Variants in STAG1 observed in about 807,000 individuals in gnomAD.
The protein encoded by STAG1 is cohesin subunit SA-1.
In STAG1, 26 loss-of-function variants were observed where a neutral mutation model predicts 170.9. The ratio of observed to expected loss-of-function variants is 0.15; its 90% confidence interval spans 0.11 to 0.21. The LOEUF is 0.21. Ranked by LOEUF, STAG1 falls within the 10% of genes least tolerant of loss-of-function variation. STAG1 has a pLI of 1.00. For synonymous variants in STAG1, 514 were observed against 497.7 expected (o/e 1.03, Z -0.44); for missense variants, 964 against 1,509.5 (o/e 0.64, Z 5.99).
chr3:136,693,186 C>T (rs558115201), intron 1 of STAG1, among the ~76,000 whole-genome samples: 8 of 152,178 alleles, frequency 5.3e-5, no homozygotes, highest in Non-Finnish European at 1.0e-4. Context: ...ATCCTGTAAA[C>T]GTCCAAGGCA....
chr3:136,502,402 G>A (rs897271431), intron 8 of STAG1, among the ~76,000 whole-genome samples: 2 of 151,970 alleles, frequency 1.3e-5, no homozygotes, highest in African/African-American at 4.8e-5. Flanking sequence ...CTAACTCCCA[G>A]ACCAACTTCT....
At chr3:136,705,990 G>A (rs1400742051) in intron 1 of STAG1, among the ~76,000 whole-genome samples, 2 of 151,468 alleles carry the variant, frequency 1.3e-5, no homozygotes, top group African/African-American at 4.9e-5. Flanking sequence ...GGATCACTTG[G>A]GCACAGGAGA....
intron 5 of STAG1, among the ~76,000 whole-genome samples, chr3:136,567,219 C>G (rs1340046296): frequency 6.6e-6 from 1 of 152,222 alleles, no homozygotes; most frequent in African/African-American, 2.4e-5. Flanking sequence ...TCCAACAGGT[C>G]TGTTGATTAA....
intron 9 of STAG1, among the ~76,000 whole-genome samples, chr3:136,486,999 CAAAAAAAAAAA>C (rs536392595): frequency 5.1e-4 from 28 of 54,662 alleles, no homozygotes; most frequent in South Asian, 1.6e-3. Flanking sequence ...TTTATTTCTT[CAAAAAAAAAAA>C]AAAAAAAAAA....
chr3:136,439,292 T>C (rs1448515933), intron 15 of STAG1, among the ~76,000 whole-genome samples: 1 of 151,058 alleles, frequency 6.6e-6, no homozygotes, highest in Non-Finnish European at 1.5e-5. Flanking sequence ...TTGGTTATGG[T>C]CTTGTTACCT....
chr3:136,662,259 C>G (rs998337211), intron 1 of STAG1, among the ~76,000 whole-genome samples: 1 of 151,198 alleles, frequency 6.6e-6, no homozygotes, highest in Non-Finnish European at 1.5e-5. Context: ...TCAAACGATT[C>G]TCCTGCCTCA....
intron 5 of STAG1, among the ~76,000 whole-genome samples, chr3:136,555,139 T>A (rs1245325321): frequency 1.3e-5 from 2 of 148,492 alleles, no homozygotes; most frequent in Non-Finnish European, 3.0e-5. Context: ...ATATATGGAA[T>A]ATTATAAACA....
rs1483651821 is a variant in STAG1, at chr3:136,338,358, T to C, written c.3753+12A>G. On this transcript the variant is annotated intron_variant, in intron 33 of 33. Coordinates refer to ENST00000383202, the MANE Select transcript of STAG1 (RefSeq NM_005862.3). ...AACCATAAATAAAAAGCAGTAATAA[T>C]TTGACATTTACTGAATCATCTTCTA... 5 of 1,608,802 alleles carry C rather than the reference T, an allele frequency of 3.1e-6. No individual in the cohort carries two copies. In the Admixed American group the frequency reaches 6.7e-5, roughly 21 times the overall value.
Position 136,359,170 on chromosome 3 carries a change from C to T in STAG1, c.2914G>A (p.Glu972Lys), listed in dbSNP as rs767163493. 6.2e-7 allele frequency: 1 copy of T among 1,611,996 alleles called. No individual in the cohort carries two copies. Among genetic ancestry groups the T allele is most frequent in the South Asian group, 1.1e-5 (1 of 90,498 alleles). The change falls in exon 27 of 34, where the codon GAA (glutamate) becomes AAA (lysine). Residue 972 changes from glutamate to lysine, a missense_variant. By Grantham distance (56) the Glu-to-Lys change is moderately conservative. Around this residue, in one of 11 missense-constraint regions of STAG1, gnomAD observed 149 missense variants for 301.3 expected, o/e 0.49. Transcript: ENST00000383202. Reference sequence around the variant, plus strand: ...CACTTGTGAAGTGTGGCAACTGCTTCTCGTGTCTTAATCTGGTCCAATCCA... The same window carrying T: ...CACTTGTGAAGTGTGGCAACTGCTTTTCGTGTCTTAATCTGGTCCAATCCA... ...TFGLDQIKTR[E>K]AVATLHKDGI...
At chr3:136,401,762 GAT>G (rs2087331907) in intron 21 of STAG1, among the ~76,000 whole-genome samples, 1 of 152,002 alleles carries the variant, frequency 6.6e-6, no homozygotes, top group Non-Finnish European at 1.5e-5. Context: ...ACCTAATATT[GAT>G]ATTCCTTTAT....
chr3:136,524,983 C>T (rs568033467), intron 6 of STAG1, among the ~76,000 whole-genome samples: 5 of 152,128 alleles, frequency 3.3e-5, no homozygotes, highest in Non-Finnish European at 7.4e-5. Flanking sequence ...GATGTGCTGC[C>T]AGATTCAGTT....
intron 15 of STAG1, 31 bp from the exon 16 acceptor site, chr3:136,433,690 TAGAC>T: frequency 7.0e-7 from 1 of 1,438,288 alleles, no homozygotes; most frequent in Non-Finnish European, 9.7e-7. Context: ...TGAGCATGAG[TAGAC>T]AGTTTTACAA....
chr3:136,722,313 T>C (rs911260041), intron 1 of STAG1, among the ~76,000 whole-genome samples: 2 of 152,220 alleles, frequency 1.3e-5, no homozygotes, highest in African/African-American at 4.8e-5. Flanking sequence ...TCCTAAAATT[T>C]ATACTTTAGT....
chr3:136,549,018 T>C (rs1404796423), intron 5 of STAG1, among the ~76,000 whole-genome samples: 1 of 152,190 alleles, frequency 6.6e-6, no homozygotes, highest in Non-Finnish European at 1.5e-5. Flanking sequence ...CTAGCCACGC[T>C]TCCTCTACAG....
At position 136,498,249 on chromosome 3, in the gene STAG1, TACACAC is replaced by T. The variant is rs71157389; in HGVS notation, c.902+1968_902+1973del. ...ATATATATATACACATACATATACATACACACACACACACACACACACACCACACAC... is the reference window on the plus strand; with the variant it reads ...ATATATATATACACATACATATACATACACACACACACACACACCACACAC... On this transcript the variant is annotated intron_variant, in intron 9 of 33. Coordinates refer to ENST00000383202, the MANE Select transcript of STAG1 (RefSeq NM_005862.3). Among the ~76,000 whole-genome samples, 8 of 73,678 alleles carry T rather than the reference TACACAC, an allele frequency of 1.1e-4. No individual in the cohort carries two copies. In the East Asian group the frequency reaches 2.2e-3, roughly 20 times the overall value. The allele number at this position is 73,678 out of a possible 152,430, so 48.3% of individuals were successfully genotyped here.
intron 26 of STAG1, among the ~76,000 whole-genome samples, chr3:136,359,652 C>T (rs911269248): frequency 1.3e-5 from 2 of 152,182 alleles, no homozygotes; most frequent in Admixed American, 6.5e-5. Flanking sequence ...GCGTCAGCCT[C>T]CTGAGTAGCT....
At chr3:136,670,131 T>C (rs951150638) in intron 1 of STAG1, among the ~76,000 whole-genome samples, 2 of 152,216 alleles carry the variant, frequency 1.3e-5, no homozygotes, top group African/African-American at 4.8e-5. Flanking sequence ...ACTAATCATT[T>C]TGATATTATA....
rs767845060 is a variant in STAG1, at chr3:136,623,218, G to C, written c.60C>G (p.Ser20=). Residue 20 remains serine, a synonymous_variant, in exon 3 of 34, where the codon TCC becomes TCG. Coordinates refer to ENST00000383202, the MANE Select transcript of STAG1 (RefSeq NM_005862.3). ...TTTCTTCAAGCTCGCTGCCAGCATC[G>C]GAATGGGCAGTAGTTTCATTAGTTG... ...QDSTNETTAH[S]DAGSELEETE... 2 of 1,613,448 alleles carry C rather than the reference G, an allele frequency of 1.2e-6. No individual in the cohort carries two copies. Among genetic ancestry groups the C allele is most frequent in the Non-Finnish European group, 1.7e-6 (2 of 1,179,598 alleles).
Position 136,660,783 on chromosome 3 carries a change from CAT to C in STAG1, c.-83-29804_-83-29803del, listed in dbSNP as rs978834246. On this transcript the variant is annotated intron_variant, in intron 1 of 33. Transcript: ENST00000383202. ...CAGCAGTTTGAGACCAGTCTGGACACATGATGAGACCCAATCTCTAAAAAAAA... is the reference window on the plus strand; with the variant it reads ...CAGCAGTTTGAGACCAGTCTGGACACGATGAGACCCAATCTCTAAAAAAAA... 2.8e-4 allele frequency among the ~76,000 whole-genome samples: 42 copies of C among 151,898 alleles called. No individual in the cohort carries two copies. In the East Asian group the frequency reaches 5.6e-3, roughly 20 times the overall value.
Sources: gnomAD v4.1 joint callset for allele counts (sites outside exome capture counted in the v4.1 genomes callset) on GRCh38, gnomAD v4.1.1 for gene constraint, gnomAD v4.1.1 regional missense constraint, MANE v1.5 for transcripts, NCBI Gene and HGNC (gene_info 2026-07-23, HGNC 2026-07-21) for gene names.